Variants in FSTL5 observed in about 807,000 individuals in gnomAD.
The protein encoded by FSTL5 is follistatin-related protein 5.
In FSTL5, 62 loss-of-function variants were observed where a neutral mutation model predicts 89.1. The ratio of observed to expected loss-of-function variants is 0.70; its 90% CI spans 0.57 to 0.86. The LOEUF (loss-of-function observed/expected upper bound fraction) is 0.86. Among genes scored for constraint, FSTL5 ranks in the 40% least tolerant of loss-of-function variants. FSTL5 has a pLI of 0.00. For missense variants in FSTL5, 1,057 were observed against 1,001.6 expected, an observed-to-expected ratio of 1.06 and a Z score of -0.75; for synonymous variants, 383 against 346.2, an observed-to-expected ratio of 1.11 and a Z score of -1.18.
intron 6 of FSTL5, among the ~76,000 whole-genome samples, chr4:161,692,406 AT>A (rs141917727): frequency 0.023 from 3,441 of 151,176 alleles, 119 homozygotes; most frequent in African/African-American, 0.078. Context: ...TATGACATTG[AT>A]TTATTCTTTT....
At position 161,775,884 on chromosome 4, in the gene FSTL5, T is replaced by C; in HGVS notation, c.600A>G (p.Leu200=). Residue 200 remains leucine (L), a synonymous_variant, in exon 5 of 16, where the codon CTA becomes CTG. Transcript: ENST00000306100. ...ATATAGTCACTAATCATACCTGAGT[T>C]AGTTCATTAATATCTACAAGTCCAT... is the stretch of plus-strand genomic sequence containing the variant. ...DSNGLVDINE[L]TQVIKQEELG... is the part of the protein sequence containing the mutation. 6.6e-7 allele frequency: 1 copy of C among 1,511,228 alleles called. No individual in the cohort carries two copies. The highest frequency in any genetic ancestry group is 8.9e-7 in the Non-Finnish European group (1 of 1,117,498). The allele number at this position is 1,511,228 out of a possible 1,614,324, so 93.6% of individuals were successfully genotyped here.
intron 2 of FSTL5, among the ~76,000 whole-genome samples, chr4:162,080,782 A>G (rs1730061526): frequency 6.6e-6 from 1 of 151,508 alleles, no homozygotes; most frequent in Admixed American, 6.6e-5. Flanking sequence ...GAGGTTATTG[A>G]TGTGAGTTTG....
chr4:161,726,910 A>T (rs533268903), intron 6 of FSTL5, among the ~76,000 whole-genome samples: 171 of 143,620 alleles, frequency 1.2e-3, no homozygotes, highest in African/African-American at 3.5e-3. Context: ...GCAAAAAAAA[A>T]AAATATATAT....
chr4:161,444,501 A>T (rs1347869787), intron 15 of FSTL5, among the ~76,000 whole-genome samples: 1 of 151,754 alleles, frequency 6.6e-6, no homozygotes, highest in African/African-American at 2.4e-5. Flanking sequence ...ATCTCATACA[A>T]ATGAAAAATA....
At chr4:161,524,070 A>G (rs1421986717) in intron 10 of FSTL5, among the ~76,000 whole-genome samples, 1 of 152,150 alleles carries the variant, frequency 6.6e-6, no homozygotes, top group Admixed American at 6.5e-5. Flanking sequence ...ATTAATGTCA[A>G]CACAGACTTT....
chr4:162,073,636 T>A (rs1729716316), intron 2 of FSTL5, among the ~76,000 whole-genome samples: 1 of 151,784 alleles, frequency 6.6e-6, no homozygotes, highest in Admixed American at 6.6e-5. Flanking sequence ...ATAAAAAATA[T>A]CTATTGTACA....
chr4:161,513,262 A>C (rs1730706403), intron 10 of FSTL5, among the ~76,000 whole-genome samples: 1 of 134,688 alleles, frequency 7.4e-6, no homozygotes, highest in Non-Finnish European at 1.6e-5. Flanking sequence ...ACTGAACCAA[A>C]CAAGGAGGGG....
chr4:162,010,379 ATAT>A (rs1455533754), intron 3 of FSTL5, among the ~76,000 whole-genome samples: 1 of 152,206 alleles, frequency 6.6e-6, no homozygotes, highest in East Asian at 1.9e-4. Context: ...GAGAAGTTAA[ATAT>A]TAATAGGATG....
chr4:161,945,382 A>G, intron 3 of FSTL5, among the ~76,000 whole-genome samples: 1 of 152,180 alleles, frequency 6.6e-6, no homozygotes, highest in South Asian at 2.1e-4. Flanking sequence ...TTGACATGTT[A>G]TCATAGATTT....
At chr4:161,950,776 G>C (rs995744839) in intron 3 of FSTL5, among the ~76,000 whole-genome samples, 2 of 152,046 alleles carry the variant, frequency 1.3e-5, no homozygotes, top group Non-Finnish European at 2.9e-5. Flanking sequence ...TGGCCTGCTG[G>C]CTACAGCCCA....
chr4:161,781,846 A>G (rs552947712), intron 4 of FSTL5, among the ~76,000 whole-genome samples: 2 of 152,160 alleles, frequency 1.3e-5, no homozygotes, highest in Admixed American at 1.3e-4. Flanking sequence ...CCATTATACT[A>G]TAATTTACAG....
chr4:161,684,602 T>A (rs28885097), intron 6 of FSTL5, among the ~76,000 whole-genome samples: 277 of 152,292 alleles, frequency 1.8e-3, no homozygotes, highest in African/African-American at 6.2e-3. Flanking sequence ...CTTAGCCCAC[T>A]TTTTGATGTG....
In FSTL5 at chr4:161,707,975, A is replaced by G. The variant is rs182782369; in HGVS notation, c.727+51436T>C. ...TCCACATTTTATAAAGGCATTGCTT[A>G]TCAGTTATAGACATTGAATGACTGC... On this transcript the variant is annotated intron_variant, in intron 6 of 15. Coordinates refer to ENST00000306100, the MANE Select transcript of FSTL5 (RefSeq NM_020116.5). Among the ~76,000 whole-genome samples, 462 of 152,152 alleles carry G rather than the reference A, an allele frequency of 3.0e-3. 5 individuals are homozygous for G. Among genetic ancestry groups the G allele is most frequent in the African/African-American group, 0.01 (422 of 41,566 alleles).
chr4:161,758,416 A>G (rs1377941695), intron 6 of FSTL5, among the ~76,000 whole-genome samples: 2 of 152,132 alleles, frequency 1.3e-5, no homozygotes, highest in African/African-American at 4.8e-5. Context: ...TTCTAATACC[A>G]ACTAATAAAT....
intron 4 of FSTL5, among the ~76,000 whole-genome samples, chr4:161,814,266 A>T (rs1730258363): frequency 6.6e-6 from 1 of 152,140 alleles, no homozygotes; most frequent in Admixed American, 6.5e-5. Context: ...TTAAACAATT[A>T]ATCCTGAAGC....
chr4:161,721,827 T>G (rs1222514187), intron 6 of FSTL5, among the ~76,000 whole-genome samples: 1 of 152,212 alleles, frequency 6.6e-6, no homozygotes, highest in East Asian at 1.9e-4. Context: ...TTCAAACGCT[T>G]CCTTTGGTAA....
intron 13 of FSTL5, among the ~76,000 whole-genome samples, chr4:161,460,701 G>A (rs577604342): frequency 2.0e-5 from 3 of 152,174 alleles, no homozygotes; most frequent in African/African-American, 7.2e-5. Flanking sequence ...TGGATTACTG[G>A]AATAATTATT....
In FSTL5 at chr4:161,759,425, A is replaced by G; in HGVS notation, c.713T>C (p.Phe238Ser). 6.3e-7 allele frequency: 1 copy of G among 1,592,052 alleles called. No individual in the cohort carries two copies. Among genetic ancestry groups the G allele is most frequent in the Non-Finnish European group, 8.5e-7 (1 of 1,171,378 alleles). The change falls in exon 6 of 16, where the codon TTT becomes TCT. Residue 238 changes from phenylalanine to serine, a missense_variant. Transcript: ENST00000306100. ...NADKHLALEE[F>S]YRAFQVIQLS... ...CTTGTACTCACGGAATGCTCTATAAAATTCTTCAAGAGCCAGGTGCTTGTC... is the reference window on the plus strand; with the variant it reads ...CTTGTACTCACGGAATGCTCTATAAGATTCTTCAAGAGCCAGGTGCTTGTC...
intron 13 of FSTL5, among the ~76,000 whole-genome samples, chr4:161,472,865 C>A (rs1462566324): frequency 6.6e-6 from 1 of 151,936 alleles, no homozygotes. Context: ...GCTGGGATTA[C>A]AGGAGTGTAC....
Sources: allele counts gnomAD v4.1 joint callset (sites outside exome capture counted in the v4.1 genomes callset), GRCh38; gene constraint gnomAD v4.1.1; transcripts MANE v1.5; gene names NCBI Gene and HGNC (gene_info 2026-07-23, HGNC 2026-07-21).